Variants in PTPN12 observed in about 807,000 individuals in gnomAD.
PTPN12 encodes tyrosine-protein phosphatase non-receptor type 12.
A neutral mutation model predicts 97.6 loss-of-function variants in PTPN12; 29 were observed. That is an observed-to-expected ratio of 0.30 (90% CI 0.22 to 0.41). The LOEUF (loss-of-function observed/expected upper bound fraction) is 0.41. Ranked by LOEUF, PTPN12 falls within the 10% of genes least tolerant of loss-of-function variation. The pLI is 1.00. For missense variants in PTPN12, 819 were observed against 926.0 expected (o/e 0.88, Z 1.50); for synonymous variants, 327 against 300.4 (o/e 1.09, Z -0.91).
At chr7:77,586,137 A>G (rs1244463258) in intron 5 of PTPN12, among the ~76,000 whole-genome samples, 1 of 152,068 alleles carries the variant, frequency 6.6e-6, no homozygotes, top group Non-Finnish European at 1.5e-5. Flanking sequence ...TAGTTTTAGT[A>G]AAGATGGGGT....
chr7:77,575,333 G>A (rs1259631505), intron 2 of PTPN12, among the ~76,000 whole-genome samples: 2 of 151,562 alleles, frequency 1.3e-5, no homozygotes, highest in Non-Finnish European at 1.5e-5. Context: ...ACACACGCAC[G>A]CACGCACGCA....
intron 1 of PTPN12, among the ~76,000 whole-genome samples, 184 bp from the exon 2 acceptor site, chr7:77,570,894 A>G (rs1381119214): frequency 1.3e-5 from 2 of 152,214 alleles, no homozygotes; most frequent in Non-Finnish European, 2.9e-5. Context: ...ATAAATATGA[A>G]TCTTATGTTT....
rs779562463 is a variant in PTPN12 at position 77,618,498 on chromosome 7, A to G, written c.958A>G (p.Asn320Asp). Reference sequence around the variant, plus strand: ...TTGGCAGAATGAAATTAACACTGAAAACATGGTCAGCTCCATAGAGCCTGA... The same window carrying G: ...TTGGCAGAATGAAATTAACACTGAAGACATGGTCAGCTCCATAGAGCCTGA... ...ADGVNEINTENMVSSIEPEKQ... is the reference protein window; with the variant it reads ...ADGVNEINTEDMVSSIEPEKQ... Residue 320 changes from asparagine to aspartate, a missense_variant, in exon 12 of 18, where the codon AAC becomes GAC. Transcript: ENST00000248594. 5 of 1,600,934 alleles carry G rather than the reference A, an allele frequency of 3.1e-6. No individual in the cohort carries two copies. The highest frequency in any genetic ancestry group is 3.4e-6 in the Non-Finnish European group (4 of 1,171,692).
chr7:77,584,647 G>A (rs1787628545), intron 4 of PTPN12, among the ~76,000 whole-genome samples: 2 of 152,172 alleles, frequency 1.3e-5, no homozygotes, highest in South Asian at 4.1e-4. Context: ...GGAGGCCGAG[G>A]TGGGCAGATC....
intron 8 of PTPN12, among the ~76,000 whole-genome samples, chr7:77,604,409 T>C (rs985447821): frequency 2.0e-5 from 3 of 151,766 alleles, no homozygotes; most frequent in African/African-American, 7.3e-5. Context: ...GAGTTGGGGA[T>C]TCTCCATGTT....
At chr7:77,585,454 C>A in intron 4 of PTPN12, 89 bp from the exon 5 acceptor site, 1 of 1,176,374 alleles carries the variant, frequency 8.5e-7, no homozygotes, top group South Asian at 1.3e-5. Flanking sequence ...CTTCTCGGTG[C>A]AAAATTCTTG....
chr7:77,539,765 A>G (rs571544031), intron 1 of PTPN12, among the ~76,000 whole-genome samples: 17 of 152,204 alleles, frequency 1.1e-4, no homozygotes, highest in African/African-American at 4.1e-4. Context: ...AGTAGCTGAG[A>G]TTATAGGCAC....
chr7:77,590,431 G>A (rs1442130450), intron 5 of PTPN12, among the ~76,000 whole-genome samples: 3 of 152,114 alleles, frequency 2.0e-5, no homozygotes, highest in Admixed American at 1.3e-4. Context: ...AGGTCCAAGT[G>A]TAAGTATAGT....
chr7:77,547,193 C>T (rs929877945), intron 1 of PTPN12, among the ~76,000 whole-genome samples: 4 of 152,154 alleles, frequency 2.6e-5, no homozygotes, highest in African/African-American at 9.7e-5. Flanking sequence ...TCCATTCATA[C>T]AGAAGGTATT....
intron 16 of PTPN12, among the ~76,000 whole-genome samples, chr7:77,637,813 C>T (rs1195242446): frequency 7.2e-6 from 1 of 138,082 alleles, no homozygotes; most frequent in Non-Finnish European, 1.5e-5. Context: ...GCCGAGATTG[C>T]GCCATTGCAC....
chr7:77,610,920 G>GT, intron 10 of PTPN12, 28 bp from the exon 11 acceptor site: 1 of 1,585,216 alleles, frequency 6.3e-7, no homozygotes, highest in Non-Finnish European at 8.6e-7. Flanking sequence ...TTTTCATTTT[G>GT]TTTTTTAATC....
chr7:77,567,863 G>C (rs1366268482), intron 1 of PTPN12, among the ~76,000 whole-genome samples: 1 of 152,094 alleles, frequency 6.6e-6, no homozygotes, highest in East Asian at 1.9e-4. Context: ...GCTGAGTAAA[G>C]GTTATTATCT....
At chr7:77,612,371 T>A (rs979323868) in intron 11 of PTPN12, among the ~76,000 whole-genome samples, 1 of 152,262 alleles carries the variant, frequency 6.6e-6, no homozygotes, top group Non-Finnish European at 1.5e-5. Flanking sequence ...CTTAATTAAA[T>A]CCTATTATGA....
chr7:77,629,184 C>T (rs771797747), intron 13 of PTPN12, among the ~76,000 whole-genome samples: 2 of 149,772 alleles, frequency 1.3e-5, no homozygotes, highest in African/African-American at 2.5e-5. Flanking sequence ...CTCCTGACCT[C>T]GTGATCCGCC....
chr7:77,546,075 G>T (rs1206011385), intron 1 of PTPN12, among the ~76,000 whole-genome samples: 1 of 152,116 alleles, frequency 6.6e-6, no homozygotes, highest in Admixed American at 6.6e-5. Flanking sequence ...GGGATTACGG[G>T]CGCCCGTGAC....
intron 2 of PTPN12, among the ~76,000 whole-genome samples, chr7:77,576,008 TG>T (rs1335642002): frequency 2.0e-5 from 3 of 152,060 alleles, no homozygotes; most frequent in Non-Finnish European, 4.4e-5. Context: ...CACATCACCA[TG>T]CCTGGCTAAT....
chr7:77,580,809 T>C lies in PTPN12; in HGVS notation c.209-618T>C, dbSNP rs553850484. ...TTGCTTTTTATAGTTTCTTGTGAAATATGAAAGTTACATTTTTTAAATAAG... is the reference window on the plus strand; with the variant it reads ...TTGCTTTTTATAGTTTCTTGTGAAACATGAAAGTTACATTTTTTAAATAAG... On this transcript the variant is annotated intron_variant, in intron 2 of 17. Coordinates refer to ENST00000248594, the MANE Select transcript of PTPN12 (RefSeq NM_002835.4). 3.3e-5 allele frequency among the ~76,000 whole-genome samples: 5 copies of C among 152,294 alleles called. No individual in the cohort carries two copies. The South Asian group carries it at 1.0e-3, about 32-fold the overall frequency.
chr7:77,596,432 G>A (rs1293013560), intron 6 of PTPN12, among the ~76,000 whole-genome samples: 2 of 152,034 alleles, frequency 1.3e-5, no homozygotes, highest in African/African-American at 4.8e-5. Context: ...TTGAGACAGG[G>A]TCTCACTGTG....
At chr7:77,609,808 G>A (rs190488752) in intron 9 of PTPN12, among the ~76,000 whole-genome samples, 83 of 150,704 alleles carry the variant, frequency 5.5e-4, no homozygotes, top group Middle Eastern at 6.8e-3. Flanking sequence ...GTGAACCCGG[G>A]AGGCGGAGCT....
Sources: gnomAD v4.1 joint callset for allele counts (sites outside exome capture counted in the v4.1 genomes callset) on GRCh38, gnomAD v4.1.1 for gene constraint, MANE v1.5 for transcripts, NCBI Gene and HGNC (gene_info 2026-07-23, HGNC 2026-07-21) for gene names.